HPSE2: variants seen among roughly 807,000 people sequenced by gnomAD.
HPSE2 encodes inactive heparanase-2.
HPSE2 carries 38 observed loss-of-function variants against 60.5 expected under a neutral mutation model. The ratio of observed to expected loss-of-function variants is 0.63; its 90% CI spans 0.48 to 0.82. The LOEUF (loss-of-function observed/expected upper bound fraction) is 0.82, where lower values mean the gene tolerates loss of function less well. HPSE2 is among the 40% of genes least tolerant of loss of function. HPSE2 has a pLI of 0.00. For missense variants in HPSE2, 713 were observed against 740.4 expected (o/e 0.96, Z 0.43); for synonymous variants, 295 against 293.2 (o/e 1.01, Z -0.06).
chr10:98,576,108 C>T (rs4147142), intron 9 of HPSE2, among the ~76,000 whole-genome samples: 130,053 of 152,148 alleles, frequency 0.85, 55,892 homozygotes, highest in East Asian at 0.96. Context: ...AAATGAATTC[C>T]GAAATAATTG....
chr10:98,561,574 G>A (rs1331456758), intron 9 of HPSE2, among the ~76,000 whole-genome samples: 10 of 152,304 alleles, frequency 6.6e-5, no homozygotes, highest in East Asian at 3.9e-4. Flanking sequence ...TTGGCCAGGT[G>A]CAGTGGCTCA....
intron 2 of HPSE2, among the ~76,000 whole-genome samples, chr10:99,145,886 T>C (rs936596994): frequency 1.6e-4 from 24 of 152,022 alleles, no homozygotes; most frequent in Admixed American, 3.3e-4. Flanking sequence ...ACTATGAGAG[T>C]TAGGATGTGT....
the HPSE2 span, among the ~76,000 whole-genome samples, chr10:99,285,344 A>G: frequency 2.0e-5 from 3 of 151,408 alleles, no homozygotes; most frequent in African/African-American, 7.3e-5. Flanking sequence ...AAGGTGGAGG[A>G]TCACTTGAGC....
intron 3 of HPSE2, among the ~76,000 whole-genome samples, chr10:98,795,911 A>T (rs977344007): frequency 1.1e-4 from 16 of 152,284 alleles, no homozygotes; most frequent in Non-Finnish European, 1.8e-4. Flanking sequence ...ACATTTCTAG[A>T]CACACCCCAA....
intron 8 of HPSE2, among the ~76,000 whole-genome samples, chr10:98,619,075 A>G (rs1946001701): frequency 6.6e-6 from 1 of 152,212 alleles, no homozygotes; most frequent in African/African-American, 2.4e-5. Flanking sequence ...CCAGAACTCC[A>G]TCTGTAAAGG....
At chr10:98,561,910 G>A (rs953274091) in intron 9 of HPSE2, among the ~76,000 whole-genome samples, 1 of 152,104 alleles carries the variant, frequency 6.6e-6, no homozygotes, top group African/African-American at 2.4e-5. Flanking sequence ...AATAACTTTA[G>A]TGTAGTGTAA....
At chr10:98,820,332 C>T (rs1951396223) in intron 3 of HPSE2, among the ~76,000 whole-genome samples, 1 of 152,094 alleles carries the variant, frequency 6.6e-6, no homozygotes, top group South Asian at 2.1e-4. Context: ...CTATAATTTA[C>T]CCAGGACCAT....
intron 3 of HPSE2, among the ~76,000 whole-genome samples, chr10:98,834,624 T>C (rs10883214): frequency 0.038 from 5,759 of 152,152 alleles, 238 homozygotes; most frequent in East Asian, 0.17. Context: ...CAAAATCACA[T>C]GTAGAGTTAC....
chr10:98,663,976 G>T (rs1003879632), intron 6 of HPSE2, among the ~76,000 whole-genome samples: 5 of 152,136 alleles, frequency 3.3e-5, no homozygotes, highest in African/African-American at 9.7e-5. Flanking sequence ...GTTGGCTGGG[G>T]AAAAGGTGAG....
intron 3 of HPSE2, among the ~76,000 whole-genome samples, chr10:98,919,856 T>C (rs1225338249): frequency 6.6e-6 from 1 of 152,146 alleles, no homozygotes; most frequent in Non-Finnish European, 1.5e-5. Context: ...GTATTTACTT[T>C]TAGGAAAAAA....
intron 2 of HPSE2, among the ~76,000 whole-genome samples, chr10:99,152,435 A>T (rs562321352): frequency 6.6e-6 from 1 of 152,312 alleles, no homozygotes; most frequent in South Asian, 2.1e-4. Context: ...ATACACAGGA[A>T]GAAATGAAAT....
chr10:99,136,692 C>G (rs547751750), intron 3 of HPSE2, among the ~76,000 whole-genome samples: 2 of 152,106 alleles, frequency 1.3e-5, no homozygotes, highest in African/African-American at 2.4e-5. Context: ...ATTCAACACC[C>G]CTTCATGCTA....
At chr10:99,163,558 C>A (rs1314973976) in intron 2 of HPSE2, among the ~76,000 whole-genome samples, 1 of 152,080 alleles carries the variant, frequency 6.6e-6, no homozygotes, top group Admixed American at 6.6e-5. Context: ...ATTTTTATTG[C>A]ATTTTATACA....
intron 3 of HPSE2, among the ~76,000 whole-genome samples, chr10:98,822,234 C>G (rs1362104724): frequency 6.6e-6 from 1 of 152,076 alleles, no homozygotes; most frequent in Non-Finnish European, 1.5e-5. Context: ...TCAGATAGTT[C>G]CAGGTCATTT....
chr10:98,544,618 C>T (rs979356040), intron 9 of HPSE2, among the ~76,000 whole-genome samples: 2 of 144,446 alleles, frequency 1.4e-5, no homozygotes, highest in Non-Finnish European at 3.0e-5. Context: ...GAGGCTGAGG[C>T]AGGAGAATGG....
chr10:98,496,964 T>C (rs1941862711), intron 9 of HPSE2, among the ~76,000 whole-genome samples: 1 of 152,132 alleles, frequency 6.6e-6, no homozygotes, highest in East Asian at 1.9e-4. Flanking sequence ...AGTAAGTCCT[T>C]CCTCATATAA....
At chr10:99,232,888 G>C (rs1589851512) in intron 1 of HPSE2, among the ~76,000 whole-genome samples, 1 of 152,378 alleles carries the variant, frequency 6.6e-6, no homozygotes, top group East Asian at 1.9e-4. Context: ...AAAGCGCTCC[G>C]GGCGGAGACG....
At chr10:98,514,340 T>G (rs1160352846) in intron 9 of HPSE2, among the ~76,000 whole-genome samples, 1 of 152,132 alleles carries the variant, frequency 6.6e-6, no homozygotes, top group Non-Finnish European at 1.5e-5. Flanking sequence ...ATTTTGGAAA[T>G]AGCTAGTAGA....
the HPSE2 span, among the ~76,000 whole-genome samples, chr10:99,305,748 T>A: frequency 6.6e-6 from 1 of 151,842 alleles, no homozygotes; most frequent in Non-Finnish European, 1.5e-5. Flanking sequence ...GAATATATAT[T>A]CAAATAAAGG....
Sources: allele counts gnomAD v4.1 joint callset (sites outside exome capture counted in the v4.1 genomes callset), GRCh38; gene constraint gnomAD v4.1.1; transcripts MANE v1.5; gene names NCBI Gene and HGNC (gene_info 2026-07-23, HGNC 2026-07-21).